Variants in ZMIZ2 observed in about 807,000 individuals in gnomAD.
ZMIZ2 encodes the protein zinc finger MIZ domain-containing protein 2.
In ZMIZ2, 26 loss-of-function variants were observed where a neutral mutation model predicts 93.9. The ratio of observed to expected loss-of-function variants is 0.28; its 90% CI spans 0.20 to 0.38. The LOEUF is 0.38. Ranked by LOEUF, ZMIZ2 falls within the 10% of genes least tolerant of loss-of-function variation. ZMIZ2 has a pLI of 1.00. For missense variants in ZMIZ2, 1,023 were observed against 1,235.0 expected (o/e 0.83, Z 2.57); for synonymous variants, 485 against 516.4 (o/e 0.94, Z 0.82).
intron 11 of ZMIZ2, among the ~76,000 whole-genome samples, chr7:44,762,650 G>A (rs1401482383): frequency 6.6e-6 from 1 of 152,240 alleles, no homozygotes; most frequent in East Asian, 1.9e-4. Flanking sequence ...CACAGCTGTA[G>A]AGATGGATAC....
chr7:44,765,449 C>T lies in ZMIZ2; in HGVS notation c.2112C>T (p.Arg704=). 1 of 1,607,450 alleles carries T rather than the reference C, an allele frequency of 6.2e-7. No individual in the cohort carries two copies. Among genetic ancestry groups the T allele is most frequent in the East Asian group, 2.2e-5 (1 of 44,868 alleles). Residue 704 remains arginine (R), a synonymous_variant, in exon 16 of 19, where the codon CGC becomes CGT. Transcript: ENST00000309315. This position sits in a 1 kb window ranked among gnomAD's most constrained non-coding sequence, Gnocchi z 4.1. ...ATGGGCCAGCACTGAAGCGCTGCCG[C>T]ACCGTGAGCCCCGCCCACGTGCTCA... ...EPDGPALKRC[R]TVSPAHVLMP... is the part of the protein sequence containing the mutation.
In ZMIZ2 at chr7:44,763,788, G is replaced by A. The variant is rs536232772; in HGVS notation, c.1860+375G>A. On this transcript the variant is annotated intron_variant, in intron 13 of 18. Transcript: ENST00000309315. The surrounding 1 kb of genome is among the most constrained non-coding windows in gnomAD (Gnocchi z 5.6). ...AGATGCACAGCCCACTGTCTCTGTG[G>A]TTACATAGTGGTCCCTATTGCACAA... 113 of 232,222 alleles carry A rather than the reference G, an allele frequency of 4.9e-4. No homozygotes were observed. Among genetic ancestry groups the A allele is most frequent in the Non-Finnish European group, 8.8e-4 (103 of 117,322 alleles). The allele number at this position is 232,222 out of a possible 1,614,324, so 14.4% of individuals were successfully genotyped here.
At position 44,767,754 on chromosome 7, in the gene ZMIZ2, G is replaced by C. The variant is rs1791865251; in HGVS notation, c.*131G>C. The C allele has an allele frequency of 2.6e-6, 2 of 768,180 alleles. No homozygotes were observed. Among genetic ancestry groups the C allele is most frequent in the South Asian group, 3.3e-5 (2 of 60,542 alleles). 47.6% of individuals were successfully genotyped at this position (768,180 alleles called of 1,614,324 possible). ...CCCCCAAAACACACCTGGAGCCAGA[G>C]CCTTCTGCCGCCAGCCCTGCCCCTG... On this transcript the variant is annotated 3_prime_UTR_variant, in exon 19 of 19. Transcript: ENST00000309315.
chr7:44,767,386 G>A, intron 18 of ZMIZ2, 130 bp from the exon 19 acceptor site: 1 of 814,180 alleles, frequency 1.2e-6, no homozygotes, highest in Non-Finnish European at 2.0e-6. Context: ...CACCCGGCCT[G>A]TGTGTGAGGA....
chr7:44,764,282 G>A (rs1040441769), intron 13 of ZMIZ2, 137 bp from the exon 14 acceptor site: 1 of 772,770 alleles, frequency 1.3e-6, no homozygotes, highest in Non-Finnish European at 2.1e-6. Context: ...TGATGTTGCA[G>A]TGAAAACCTG....
chr7:44,769,820 G>A lies in ZMIZ2; in HGVS notation c.*2197G>A, dbSNP rs1379200654. 2 of 152,198 alleles carry A rather than the reference G, an allele frequency of 1.3e-5. No individual in the cohort carries two copies. Among genetic ancestry groups the A allele is most frequent in the Admixed American group, 1.3e-4 (2 of 15,286 alleles). 9.4% of individuals were successfully genotyped at this position (152,198 alleles called of 1,614,324 possible). On this transcript the variant is annotated 3_prime_UTR_variant, in exon 19 of 19. Coordinates refer to ENST00000309315, the MANE Select transcript of ZMIZ2 (RefSeq NM_031449.4). ...CACAAACACCTCTCAGAAACAACGT[G>A]GGATGAAAAAGCAAGACAGTTCATA... is the stretch of plus-strand genomic sequence containing the variant.
In ZMIZ2 at chr7:44,765,721, C is replaced by A. The variant is rs555073994; in HGVS notation, c.2242+142C>A. 4.7e-6 allele frequency: 6 copies of A among 1,276,292 alleles called. No individual in the cohort carries two copies. In the African/African-American group the frequency reaches 7.4e-5, roughly 16 times the overall value. 79.1% of individuals were successfully genotyped at this position (1,276,292 alleles called of 1,614,324 possible). On this transcript the variant is annotated intron_variant, in intron 16 of 18. Transcript: ENST00000309315. The surrounding 1 kb of genome is among the most constrained non-coding windows in gnomAD (Gnocchi z 4.1). ...CAGTGTTGCCACACAAAACATGCCGCGGGGCACCTCCAGCCCCTCCCATCT... is the reference window on the plus strand; with the variant it reads ...CAGTGTTGCCACACAAAACATGCCGAGGGGCACCTCCAGCCCCTCCCATCT...
In ZMIZ2 at chr7:44,766,316, G is replaced by T. The variant is rs1791702623; in HGVS notation, c.2395G>T (p.Ala799Ser). ...SSLLTSEKST[A>S]CLPSQMAPAG... ...CCTCCTGACTTCAGAGAAGTCTACC[G>T]CCTGCCTCCCAAGCCAGGTCAGTGC... is the stretch of plus-strand genomic sequence containing the variant. Residue 799 changes from alanine (A) to serine (S), a missense_variant, in exon 17 of 19, where the codon GCC (alanine) becomes TCC (serine). Coordinates refer to ENST00000309315, the MANE Select transcript of ZMIZ2 (RefSeq NM_031449.4). The surrounding 1 kb of genome is among the most constrained non-coding windows in gnomAD (Gnocchi z 4.4). The T allele has an allele frequency of 6.3e-7, 1 of 1,593,312 alleles. No homozygotes were observed. Among genetic ancestry groups the T allele is most frequent in the African/African-American group, 1.3e-5 (1 of 74,146 alleles).
At chr7:44,760,736 C>A in intron 9 of ZMIZ2, 143 bp downstream of exon 9, 1 of 1,081,880 alleles carries the variant, frequency 9.2e-7, no homozygotes, top group Non-Finnish European at 1.3e-6. Context: ...GGTGTGGTGG[C>A]TCACACTTGT....
At chr7:44,759,660 G>A (rs1249640586) in intron 7 of ZMIZ2, 200 bp downstream of exon 7, 1 of 478,742 alleles carries the variant, frequency 2.1e-6, no homozygotes, top group Non-Finnish European at 3.6e-6. Flanking sequence ...CAGTGCAGGA[G>A]CAGCTCCTGG....
Position 44,761,427 on chromosome 7 carries a change from A to C in ZMIZ2, c.1241-22A>C, listed in dbSNP as rs1003398576. 1 of 1,609,914 alleles carries C rather than the reference A, an allele frequency of 6.2e-7. No individual in the cohort carries two copies. The highest frequency in any genetic ancestry group is 1.3e-5 in the African/African-American group (1 of 75,072). On this transcript the variant is annotated intron_variant, in intron 9 of 18. Coordinates refer to ENST00000309315, the MANE Select transcript of ZMIZ2 (RefSeq NM_031449.4). The surrounding 1 kb of genome is among the most constrained non-coding windows in gnomAD (Gnocchi z 5.8). ...CTCTGGCTGGGGCAACCCAGCTCAC[A>C]GCCAGTGGCCTCTGCTCCCAGGAAG...
Position 44,766,734 on chromosome 7 carries a change from C to A in ZMIZ2, c.2655+71C>A, listed in dbSNP as rs1182779766. 1.9e-6 allele frequency: 3 copies of A among 1,580,866 alleles called. No homozygotes were observed. The Admixed American group carries it at 5.3e-5, about 28-fold the overall frequency. ...AGAGGTGGTGTGTCTGTTCCAGGTG[C>A]GTTCTGGAAGGGAAGACAGTGACCC... On this transcript the variant is annotated intron_variant, in intron 18 of 18. Transcript: ENST00000309315. This position sits in a 1 kb window ranked among gnomAD's most constrained non-coding sequence, Gnocchi z 4.4.
chr7:44,761,590 T>C lies in ZMIZ2; in HGVS notation c.1382T>C (p.Met461Thr), dbSNP rs777641715. 1 of 1,613,982 alleles carries C rather than the reference T, an allele frequency of 6.2e-7. No homozygotes were observed. The highest frequency in any genetic ancestry group is 8.5e-7 in the Non-Finnish European group (1 of 1,179,992). Residue 461 changes from methionine (M) to threonine (T), a missense_variant, in exon 10 of 19, where the codon ATG becomes ACG. By Grantham distance (81) the Met-to-Thr change is moderately conservative. Coordinates refer to ENST00000309315, the MANE Select transcript of ZMIZ2 (RefSeq NM_031449.4). The surrounding 1 kb of genome is among the most constrained non-coding windows in gnomAD (Gnocchi z 5.8). ...LRDSVYKTLI[M>T]RPDLELQFKC... ...GACTCAGTCTACAAGACCCTGATAA[T>C]GAGGTGAGCTCCGCCTGGCCCCCAC...
At chr7:44,767,138 A>G (rs1475737363) in intron 18 of ZMIZ2, among the ~76,000 whole-genome samples, 3 of 152,128 alleles carry the variant, frequency 2.0e-5, no homozygotes, top group Non-Finnish European at 4.4e-5. Context: ...CCAAGCAGAA[A>G]ATCCTAGGGG....
In ZMIZ2 at chr7:44,764,975, C is replaced by A. The variant is rs751218096; in HGVS notation, c.1963C>A (p.Gln655Lys). The A allele has an allele frequency of 6.8e-6, 11 of 1,614,100 alleles. No homozygotes were observed. In the Admixed American group the frequency reaches 1.5e-4, roughly 22 times the overall value. Residue 655 changes from glutamine (Q) to lysine (K), a missense_variant, in exon 15 of 19, where the codon CAG becomes AAG. This residue lies in a region of ZMIZ2 where 319 missense variants were observed against 358.8 expected (regional missense o/e 0.89). Coordinates refer to ENST00000309315, the MANE Select transcript of ZMIZ2 (RefSeq NM_031449.4). ...TTTGCTGGAGGGCCTGGAGGTGGAC[C>A]AGTACATGCTGGGCATCCTGATTTA... Reference protein sequence around the residue: ...TALLEGLEVDQYMLGILIYIQ... With the variant: ...TALLEGLEVDKYMLGILIYIQ...
Position 44,767,777 on chromosome 7 carries a change from CT to C in ZMIZ2, c.*155del. ...GAGCCTTCTGCCGCCAGCCCTGCCC[CT>C]GAATTGGAAGCAGCCCTGTGCTCGA... On this transcript the variant is annotated 3_prime_UTR_variant, in exon 19 of 19. Coordinates refer to ENST00000309315, the MANE Select transcript of ZMIZ2 (RefSeq NM_031449.4). 1 of 698,022 alleles carries C rather than the reference CT, an allele frequency of 1.4e-6. No individual in the cohort carries two copies. Among genetic ancestry groups the C allele is most frequent in the East Asian group, 2.7e-5 (1 of 36,746 alleles). 43.2% of individuals were successfully genotyped at this position (698,022 alleles called of 1,614,324 possible).
In ZMIZ2 at chr7:44,766,137, AC is replaced by A; in HGVS notation, c.2243-24del. 1 of 1,583,922 alleles carries A rather than the reference AC, an allele frequency of 6.3e-7. No individual in the cohort carries two copies. The highest frequency in any genetic ancestry group is 8.6e-7 in the Non-Finnish European group (1 of 1,167,190). ...CCAGCGGTGGCCTTCCCCAGCCCTC[AC>A]CCAGGCCCCGACTCTCCTCTCACAG... is the stretch of plus-strand genomic sequence containing the variant. On this transcript the variant is annotated intron_variant, in intron 16 of 18. Transcript: ENST00000309315. The surrounding 1 kb of genome is among the most constrained non-coding windows in gnomAD (Gnocchi z 4.4).
intron 6 of ZMIZ2, among the ~76,000 whole-genome samples, chr7:44,758,738 C>G (rs779096815): frequency 8.6e-5 from 13 of 151,808 alleles, no homozygotes; most frequent in Non-Finnish European, 1.5e-4. Flanking sequence ...TGGTGAAACC[C>G]CATCTCTAAT....
intron 1 of ZMIZ2, among the ~76,000 whole-genome samples, chr7:44,754,108 G>A (rs551462174): frequency 3.7e-4 from 56 of 152,296 alleles, no homozygotes; most frequent in African/African-American, 1.3e-3. Context: ...GTGTATGGCT[G>A]CTCAAGGCCC....
Sources: allele counts gnomAD v4.1 joint callset (sites outside exome capture counted in the v4.1 genomes callset), GRCh38; gene constraint gnomAD v4.1.1; regional missense constraint gnomAD v4.1.1; non-coding constraint Gnocchi (gnomAD v3.1); transcripts MANE v1.5; gene names NCBI Gene and HGNC (gene_info 2026-07-23, HGNC 2026-07-21).